The following STK3 variants were observed in gnomAD, a reference collection of about 807,000 sequenced individuals.
STK3 encodes the protein serine/threonine kinase 3, also known as serine/threonine-protein kinase 3.
In STK3, 41 loss-of-function variants were observed where a neutral mutation model predicts 58.0. The ratio of observed to expected loss-of-function variants is 0.71; its 90% CI spans 0.55 to 0.92. The LOEUF is 0.92. STK3 is among the 40% of genes least tolerant of loss of function. The probability of loss-of-function intolerance (pLI) is 0.00; values close to 1 mark genes in which losing one functional copy is unlikely to be tolerated. For missense variants in STK3, 479 were observed against 602.7 expected (o/e 0.79, Z 2.15); for synonymous variants, 170 against 191.0 (o/e 0.89, Z 0.91).
chr8:98,349,362 G>A, the STK3 span, among the ~76,000 whole-genome samples: 1 of 152,212 alleles, frequency 6.6e-6, no homozygotes. Context: ...CATGGTCTTC[G>A]GCAGCTCTGC....
chr8:98,737,970 G>A (rs62532577), intron 4 of STK3, among the ~76,000 whole-genome samples: 42,141 of 152,070 alleles, frequency 0.28, 6,660 homozygotes, highest in Admixed American at 0.41. Flanking sequence ...TTGGCCTCCA[G>A]AAGTGCCAGG....
Position 98,428,373 on chromosome 8 carries a change from CAGG to C in STK3, n.483+5751_483+5753del, listed in dbSNP as rs775066918. On this transcript the variant is annotated intron_variant and non_coding_transcript_variant, in intron 3 of 3. Coordinates refer to the STK3 transcript ENST00000517832. The surrounding 1 kb of genome is among the most constrained non-coding windows in gnomAD (Gnocchi z 6.7). The stretch of plus-strand genomic sequence containing the variant: ...CCATGGCCGCAAAGTAGAGCCCGAG[CAGG>C]AGAAGTGGGACGAGCAGAGTGACCA... 7.4e-6 allele frequency: 12 copies of C among 1,614,062 alleles called. No homozygotes were observed. Among genetic ancestry groups the C allele is most frequent in the South Asian group, 3.3e-5 (3 of 91,082 alleles).
In STK3 at chr8:98,689,142, A is replaced by G. The variant is rs1301241243; in HGVS notation, c.684+17325T>C. Among the ~76,000 whole-genome samples the G allele has an allele frequency of 3.9e-5, 6 of 152,166 alleles. No homozygotes were observed. In the East Asian group the frequency reaches 1.2e-3, roughly 29 times the overall value. Reference sequence around the variant, plus strand: ...TACTATGAACATTTCAGTACATACAAAGTAGAAAATCTAGAGGAAATTGAT... The same window carrying G: ...TACTATGAACATTTCAGTACATACAGAGTAGAAAATCTAGAGGAAATTGAT... On this transcript the variant is annotated intron_variant, in intron 6 of 10. Coordinates refer to ENST00000419617, the MANE Select transcript of STK3 (RefSeq NM_006281.4).
intron 3 of STK3, chr8:98,427,175 G>A (rs1818248041): frequency 2.0e-5 from 3 of 150,280 alleles, no homozygotes; most frequent in Admixed American, 2.0e-4. Context: ...CGAGACGGGA[G>A]GAGACGCTCG....
chr8:98,539,097 T>C (rs1810019173), intron 9 of STK3, among the ~76,000 whole-genome samples: 1 of 152,146 alleles, frequency 6.6e-6, no homozygotes, highest in African/African-American at 2.4e-5. Context: ...AGTGAGAAAG[T>C]AGTTCCCCTA....
At chr8:98,503,717 T>C (rs1481455822) in intron 10 of STK3, among the ~76,000 whole-genome samples, 1 of 152,178 alleles carries the variant, frequency 6.6e-6, no homozygotes, top group Non-Finnish European at 1.5e-5. Context: ...CAGTTTTGAG[T>C]GAGTTTCTTA....
intron 1 of STK3, among the ~76,000 whole-genome samples, chr8:98,807,605 G>A (rs186973526): frequency 6.6e-6 from 1 of 152,204 alleles, no homozygotes; most frequent in East Asian, 1.9e-4. Flanking sequence ...ATAAGACTGA[G>A]TACAAAAATT....
At chr8:98,709,760 A>C (rs996395073) in intron 4 of STK3, among the ~76,000 whole-genome samples, 3 of 152,166 alleles carry the variant, frequency 2.0e-5, no homozygotes, top group African/African-American at 7.2e-5. Flanking sequence ...AAAACACACA[A>C]CTAATATGAA....
At chr8:98,748,396 G>T (rs1829772328) in intron 4 of STK3, among the ~76,000 whole-genome samples, 1 of 151,940 alleles carries the variant, frequency 6.6e-6, no homozygotes, top group African/African-American at 2.4e-5. Flanking sequence ...TCCCTTAAAA[G>T]AAATCCTATT....
chr8:98,396,749 C>T (rs1309565663), downstream of STK3, among the ~76,000 whole-genome samples: 1 of 152,236 alleles, frequency 6.6e-6, no homozygotes, highest in African/African-American at 2.4e-5. Flanking sequence ...GCAGTGAGAA[C>T]ATCTGGCTGA....
At chr8:98,407,714 ATGTGTGTGTGTGTGTGTGTGTGTG>A (rs6150725) in intron 3 of STK3, among the ~76,000 whole-genome samples, 3 of 137,110 alleles carry the variant, frequency 2.2e-5, no homozygotes, top group East Asian at 2.1e-4. Flanking sequence ...AGATGAGTGC[ATGTGTGTGTGTGTGTGTGTGTGTG>A]TGTGTGTGTG....
At chr8:98,526,251 T>C (rs1586779708) in intron 10 of STK3, among the ~76,000 whole-genome samples, 1 of 152,148 alleles carries the variant, frequency 6.6e-6, no homozygotes, top group East Asian at 1.9e-4. Flanking sequence ...GAAGTTTATA[T>C]GCTCCTAGGT....
chr8:98,663,048 G>A (rs1458174736), intron 6 of STK3, among the ~76,000 whole-genome samples: 1 of 152,124 alleles, frequency 6.6e-6, no homozygotes, highest in Non-Finnish European at 1.5e-5. Flanking sequence ...TTAAATTAAA[G>A]AGCTTCTGCA....
chr8:98,407,938 G>A (rs898062128), intron 3 of STK3, among the ~76,000 whole-genome samples: 10 of 152,326 alleles, frequency 6.6e-5, no homozygotes, highest in Admixed American at 1.3e-4. Flanking sequence ...CGGGTCTAGC[G>A]TTGTGCTGGC....
intron 1 of STK3, among the ~76,000 whole-genome samples, chr8:98,914,810 T>C (rs977929995): frequency 6.6e-6 from 1 of 152,204 alleles, no homozygotes; most frequent in Non-Finnish European, 1.5e-5. Context: ...AGTGGTTGAT[T>C]GAAGGAAAAA....
intron 3 of STK3, among the ~76,000 whole-genome samples, chr8:98,846,107 C>G (rs1836189993): frequency 6.6e-6 from 1 of 152,230 alleles, no homozygotes; most frequent in African/African-American, 2.4e-5. Flanking sequence ...TAACCCTCTT[C>G]CAAATCTCAT....
At chr8:98,743,631 C>G (rs1829409573) in intron 4 of STK3, among the ~76,000 whole-genome samples, 1 of 152,068 alleles carries the variant, frequency 6.6e-6, no homozygotes, top group Non-Finnish European at 1.5e-5. Flanking sequence ...CCATAACAAC[C>G]CTAGAAGAAA....
At chr8:98,429,491 G>T in intron 3 of STK3, 1 of 1,052,000 alleles carries the variant, frequency 9.5e-7, no homozygotes, top group Admixed American at 2.1e-5. Context: ...GCACCTTATG[G>T]TTATGGTGTA....
Position 98,569,029 on chromosome 8 carries a change from G to A in STK3, c.948+10635C>T, listed in dbSNP as rs1048739522. On this transcript the variant is annotated intron_variant, in intron 8 of 10. Coordinates refer to ENST00000419617, the MANE Select transcript of STK3 (RefSeq NM_006281.4). ...GAAAGTTTTAAATAACAGGGACAAT[G>A]CAAAGATCCAAAAACTCCCACATTC... Among the ~76,000 whole-genome samples, 28 of 152,134 alleles carry A rather than the reference G, an allele frequency of 1.8e-4. 1 individual carries two copies. The highest frequency in any genetic ancestry group is 7.4e-5 in the Non-Finnish European group (5 of 68,014).
Sources: allele counts gnomAD v4.1 joint callset (sites outside exome capture counted in the v4.1 genomes callset), GRCh38; gene constraint gnomAD v4.1.1; non-coding constraint Gnocchi (gnomAD v3.1); transcripts MANE v1.5; gene names NCBI Gene and HGNC (gene_info 2026-07-23, HGNC 2026-07-21).